Variants in ERVK3-1 observed in about 807,000 individuals in gnomAD.
ERVK3-1 encodes the protein HERV-K(HML6-1).
At chr19:58,308,713 C>T (rs1319856854) in intron 2 of ERVK3-1, among the ~76,000 whole-genome samples, 1 of 152,110 alleles carries the variant, frequency 6.6e-6, no homozygotes, top group Non-Finnish European at 1.5e-5. Flanking sequence ...CACCCACTGC[C>T]TTGCTGCTAG....
Sources: gnomAD v4.1 joint callset for allele counts (sites outside exome capture counted in the v4.1 genomes callset) on GRCh38, gnomAD v4.1.1 for gene constraint, MANE v1.5 for transcripts, NCBI Gene and HGNC (gene_info 2026-07-23, HGNC 2026-07-21) for gene names.